Variants in ABTB2 observed in about 807,000 individuals in gnomAD.
ABTB2 encodes the protein ankyrin repeat and BTB domain containing 2.
In ABTB2, 56 loss-of-function variants were observed where a neutral mutation model predicts 104.1. That is an observed-to-expected ratio of 0.54 (90% confidence interval 0.43 to 0.67). The LOEUF (loss-of-function observed/expected upper bound fraction) is 0.67. Ranked by LOEUF, ABTB2 falls within the 30% of genes least tolerant of loss-of-function variation. The probability of loss-of-function intolerance (pLI) is 0.00; values close to 1 mark genes in which losing one functional copy is unlikely to be tolerated. For synonymous variants in ABTB2, 606 were observed against 608.2 expected (o/e 1.00, Z 0.05); for missense variants, 1,279 against 1,407.7 (o/e 0.91, Z 1.46).
At chr11:34,314,430 T>C (rs917346388) in intron 1 of ABTB2, among the ~76,000 whole-genome samples, 4 of 152,206 alleles carry the variant, frequency 2.6e-5, no homozygotes, top group Admixed American at 2.0e-4. Flanking sequence ...ACATAGTCCA[T>C]GTTCAATAGT....
At chr11:34,311,438 G>A (rs1854852052) in intron 1 of ABTB2, among the ~76,000 whole-genome samples, 1 of 152,136 alleles carries the variant, frequency 6.6e-6, no homozygotes, top group South Asian at 2.1e-4. Context: ...ATCCAAATAA[G>A]CTCACTCTAA....
intron 1 of ABTB2, among the ~76,000 whole-genome samples, chr11:34,322,651 G>A (rs528229634): frequency 2.6e-5 from 4 of 152,188 alleles, no homozygotes; most frequent in African/African-American, 7.2e-5. Context: ...CAATGGCATT[G>A]TGAGAATTAA....
Position 34,356,607 on chromosome 11 carries a change from C to A in ABTB2, c.883+94G>T. 3.5e-6 allele frequency: 5 copies of A among 1,423,116 alleles called. No individual in the cohort carries two copies. Among genetic ancestry groups the A allele is most frequent in the Non-Finnish European group, 4.7e-6 (5 of 1,071,948 alleles). The allele number at this position is 1,423,116 out of a possible 1,614,324, so 88.2% of individuals were successfully genotyped here. On this transcript the variant is annotated intron_variant, in intron 1 of 16. Transcript: ENST00000435224. The surrounding 1 kb of genome is among the most constrained non-coding windows in gnomAD (Gnocchi z 4.6). ...GTTTTCTCCCAAAGAACTGGCACAG[C>A]CACCAGCTTTGTCTCAGGAAATTCA...
chr11:34,322,734 C>A (rs1211075992), intron 1 of ABTB2, among the ~76,000 whole-genome samples: 1 of 152,120 alleles, frequency 6.6e-6, no homozygotes, highest in Non-Finnish European at 1.5e-5. Context: ...TGCAGTGGTG[C>A]AATCTTGGCT....
intron 1 of ABTB2, among the ~76,000 whole-genome samples, chr11:34,296,178 G>A (rs1431313746): frequency 6.6e-6 from 1 of 152,192 alleles, no homozygotes; most frequent in Non-Finnish European, 1.5e-5. Flanking sequence ...CATGGTGTGT[G>A]CGTATTCTTC....
chr11:34,337,840 A>G (rs1855210579), intron 1 of ABTB2, among the ~76,000 whole-genome samples: 1 of 152,062 alleles, frequency 6.6e-6, no homozygotes, highest in Non-Finnish European at 1.5e-5. Context: ...TCCAATAAAC[A>G]TTGGTTATCT....
At chr11:34,247,352 A>T (rs1201650994) in intron 1 of ABTB2, among the ~76,000 whole-genome samples, 1 of 152,230 alleles carries the variant, frequency 6.6e-6, no homozygotes, top group African/African-American at 2.4e-5. Flanking sequence ...AAAGCCATAC[A>T]CATTCAGTAG....
At chr11:34,190,272 C>CACA (rs1554981975) in intron 3 of ABTB2, among the ~76,000 whole-genome samples, 1,484 of 115,126 alleles carry the variant, frequency 0.013, 30 homozygotes, top group African/African-American at 0.047. Flanking sequence ...GCTGCCCCCC[C>CACA]AAAAAAAAAA....
At chr11:34,348,146 A>G (rs554679022) in intron 1 of ABTB2, among the ~76,000 whole-genome samples, 1 of 152,342 alleles carries the variant, frequency 6.6e-6, no homozygotes, top group Admixed American at 6.5e-5. Flanking sequence ...AAGTTTGCTC[A>G]GTTAAGGTCT....
chr11:34,184,094 A>G (rs1396207266), intron 3 of ABTB2, among the ~76,000 whole-genome samples: 1 of 148,794 alleles, frequency 6.7e-6, no homozygotes, highest in Non-Finnish European at 1.5e-5. Flanking sequence ...AGACAGGTCT[A>G]TGTTGCGCAG....
At chr11:34,312,670 C>A (rs896975958) in intron 1 of ABTB2, among the ~76,000 whole-genome samples, 1 of 152,036 alleles carries the variant, frequency 6.6e-6, no homozygotes, top group African/African-American at 2.4e-5. Context: ...GAAAATAAGC[C>A]CACTCCTCTG....
intron 3 of ABTB2, among the ~76,000 whole-genome samples, chr11:34,187,133 A>T (rs1218605615): frequency 6.6e-6 from 1 of 152,212 alleles, no homozygotes; most frequent in Non-Finnish European, 1.5e-5. Flanking sequence ...GAGCTACTGT[A>T]AGGACCTGTT....
chr11:34,246,847 C>CTTTTTTT (rs199831054), intron 1 of ABTB2, among the ~76,000 whole-genome samples: 21 of 118,276 alleles, frequency 1.8e-4, no homozygotes, highest in East Asian at 2.4e-4. Context: ...TTTCTTTTTT[C>CTTTTTTT]TTTTTTTTTT....
At chr11:34,247,528 G>A (rs921399590) in intron 1 of ABTB2, among the ~76,000 whole-genome samples, 4 of 152,200 alleles carry the variant, frequency 2.6e-5, no homozygotes, top group Non-Finnish European at 5.9e-5. Context: ...GGTAAGCTAG[G>A]CTAAGCTATG....
At chr11:34,325,532 G>A (rs1158581091) in intron 1 of ABTB2, among the ~76,000 whole-genome samples, 1 of 152,166 alleles carries the variant, frequency 6.6e-6, no homozygotes, top group African/African-American at 2.4e-5. Flanking sequence ...CTACCTGTAA[G>A]AACCTAGAAA....
At chr11:34,172,239 G>A (rs940386424) in intron 4 of ABTB2, among the ~76,000 whole-genome samples, 1 of 151,306 alleles carries the variant, frequency 6.6e-6, no homozygotes, top group South Asian at 2.1e-4. Flanking sequence ...AGACGTGGTG[G>A]TGCGTGCCTG....
At chr11:34,174,231 A>AGGAGAAT (rs1432493891) in intron 3 of ABTB2, among the ~76,000 whole-genome samples, 2 of 148,570 alleles carry the variant, frequency 1.3e-5, no homozygotes, top group African/African-American at 2.5e-5. Context: ...AGGCTGAGGC[A>AGGAGAAT]GGAGAATGGC....
chr11:34,204,162 C>T (rs1043408392), intron 2 of ABTB2, among the ~76,000 whole-genome samples: 2 of 151,888 alleles, frequency 1.3e-5, no homozygotes, highest in Non-Finnish European at 2.9e-5. Flanking sequence ...GAAAGAGCAC[C>T]AGTTGTGAAT....
intron 1 of ABTB2, among the ~76,000 whole-genome samples, chr11:34,247,933 C>T (rs954261276): frequency 6.6e-6 from 1 of 151,898 alleles, no homozygotes; most frequent in Non-Finnish European, 1.5e-5. Context: ...TGTCTTAACT[C>T]GAGGAAGAAG....
Sources: gnomAD v4.1 joint callset for allele counts (sites outside exome capture counted in the v4.1 genomes callset) on GRCh38, gnomAD v4.1.1 for gene constraint, Gnocchi (gnomAD v3.1) non-coding constraint, MANE v1.5 for transcripts, NCBI Gene and HGNC (gene_info 2026-07-23, HGNC 2026-07-21) for gene names.